B3GALNT2: variants seen among roughly 807,000 people sequenced by gnomAD.
The protein encoded by B3GALNT2 is UDP-GalNAc:beta-1,3-N-acetylgalactosaminyltransferase 2.
In B3GALNT2, 53 loss-of-function variants were observed where a neutral mutation model predicts 61.1. That is an observed-to-expected ratio of 0.87 (90% CI 0.70 to 1.09). B3GALNT2 has a LOEUF of 1.09. B3GALNT2 is among the 50% of genes least tolerant of loss of function. The probability of loss-of-function intolerance (pLI) is 0.00; values close to 1 mark genes in which losing one functional copy is unlikely to be tolerated. For synonymous variants in B3GALNT2, 223 were observed against 237.4 expected (o/e 0.94, Z 0.56); for missense variants, 544 against 623.0 (o/e 0.87, Z 1.35).
chr1:235,478,261 C>T (rs1684383544), intron 5 of B3GALNT2, among the ~76,000 whole-genome samples: 1 of 152,158 alleles, frequency 6.6e-6, no homozygotes, highest in African/African-American at 2.4e-5. Flanking sequence ...CCATCTTGGC[C>T]AGGCTGGTCT....
chr1:235,468,529 T>A (rs1217301513), intron 6 of B3GALNT2, among the ~76,000 whole-genome samples: 1 of 145,398 alleles, frequency 6.9e-6, no homozygotes, highest in African/African-American at 2.5e-5. Context: ...CTTGGCTCAC[T>A]GCAACCTCCA....
Position 235,448,250 on chromosome 1 carries a change from A to G in B3GALNT2, c.*1956T>C. ...AAAAAAAAAAAAAAAAGACAGATAC[A>G]GCTATCATTGCAATGATACTGTGGT... On this transcript the variant is annotated 3_prime_UTR_variant, in exon 12 of 12. Transcript: ENST00000366600. 2.3e-6 allele frequency: 2 copies of G among 877,516 alleles called. No individual in the cohort carries two copies. Among genetic ancestry groups the G allele is most frequent in the Middle Eastern group, 4.3e-4 (2 of 4,622 alleles). 54.4% of individuals were successfully genotyped at this position (877,516 alleles called of 1,614,324 possible).
intron 5 of B3GALNT2, among the ~76,000 whole-genome samples, chr1:235,473,430 A>G (rs1042104482): frequency 6.6e-6 from 1 of 152,232 alleles, no homozygotes; most frequent in African/African-American, 2.4e-5. Context: ...GTACCTGGAC[A>G]TGAGAGTGAC....
At chr1:235,480,224 C>T in intron 4 of B3GALNT2, 75 bp from the exon 5 acceptor site, 1 of 1,556,514 alleles carries the variant, frequency 6.4e-7, no homozygotes, top group Non-Finnish European at 8.7e-7. Flanking sequence ...TTTCAAACAC[C>T]TTACTTCTTG....
At chr1:235,462,884 C>G (rs1292057928) in intron 7 of B3GALNT2, among the ~76,000 whole-genome samples, 1 of 152,152 alleles carries the variant, frequency 6.6e-6, no homozygotes, top group East Asian at 1.9e-4. Context: ...ATCCAGCGAT[C>G]CCATTAGGAA....
chr1:235,494,332 T>C (rs143860060), intron 2 of B3GALNT2, among the ~76,000 whole-genome samples: 33 of 152,200 alleles, frequency 2.2e-4, no homozygotes, highest in African/African-American at 7.5e-4. Context: ...TGGCTTAAAA[T>C]GTTGGTTAAA....
At chr1:235,481,319 C>G (rs1684555956) in intron 4 of B3GALNT2, among the ~76,000 whole-genome samples, 1 of 152,154 alleles carries the variant, frequency 6.6e-6, no homozygotes, top group Non-Finnish European at 1.5e-5. Context: ...AACCAAACTA[C>G]TTGATTGATA....
chr1:235,489,282 T>C lies in B3GALNT2; in HGVS notation c.261-14A>G. 1.2e-6 allele frequency: 2 copies of C among 1,612,432 alleles called. No homozygotes were observed. Among genetic ancestry groups the C allele is most frequent in the Non-Finnish European group, 1.7e-6 (2 of 1,179,374 alleles). Reference sequence around the variant, plus strand: ...TTCACAAGCACACTGAGAGATGTGTTGGCATTAACATCAGTTACTGATCTT... The same window carrying C: ...TTCACAAGCACACTGAGAGATGTGTCGGCATTAACATCAGTTACTGATCTT... On this transcript the variant is annotated splice_polypyrimidine_tract_variant and intron_variant, in intron 2 of 11. Transcript: ENST00000366600.
chr1:235,476,602 C>T (rs191947776), intron 5 of B3GALNT2, among the ~76,000 whole-genome samples: 70 of 152,236 alleles, frequency 4.6e-4, no homozygotes, highest in Non-Finnish European at 7.2e-4. Context: ...GTAATCTCAG[C>T]ACTTTGGGAG....
At chr1:235,447,174 A>C (rs1268283726), downstream of B3GALNT2, among the ~76,000 whole-genome samples, 1 of 152,192 alleles carries the variant, frequency 6.6e-6, no homozygotes, top group African/African-American at 2.4e-5. Context: ...TAAAATTATA[A>C]ATTCTATTAA....
At chr1:235,494,916 C>A in intron 1 of B3GALNT2, 88 bp from the exon 2 acceptor site, 1 of 1,249,918 alleles carries the variant, frequency 8.0e-7, no homozygotes. Context: ...ACAAAATAAG[C>A]TTATGTTTGT....
rs1245752826 is a variant in B3GALNT2 at position 235,447,873 on chromosome 1, C to T, written c.*2333G>A. 2.0e-5 allele frequency among the ~76,000 whole-genome samples: 3 copies of T among 151,962 alleles called. No individual in the cohort carries two copies. ...CCAAATGAACAGGTGGTACAAGACT[C>T]AGGCTTTCCCCTAATTACTTACTTG... is the stretch of plus-strand genomic sequence containing the variant. On this transcript the variant is annotated 3_prime_UTR_variant, in exon 12 of 12. Transcript: ENST00000366600.
intron 3 of B3GALNT2, among the ~76,000 whole-genome samples, chr1:235,487,075 C>T (rs1684841412): frequency 2.0e-5 from 3 of 151,494 alleles, no homozygotes; most frequent in Admixed American, 6.6e-5. Context: ...GCAGGAGAAT[C>T]GCTTGAACCT....
At chr1:235,460,983 C>T (rs887395402) in intron 7 of B3GALNT2, among the ~76,000 whole-genome samples, 3 of 152,220 alleles carry the variant, frequency 2.0e-5, no homozygotes, top group Non-Finnish European at 4.4e-5. Context: ...TGTGCAGGGA[C>T]TGTCCCCAGA....
Position 235,448,818 on chromosome 1 carries a change from G to T in B3GALNT2, c.*1388C>A. On this transcript the variant is annotated 3_prime_UTR_variant, in exon 12 of 12. Transcript: ENST00000366600. ...TGCTTATCGTGTCTGGGGTTCACCG[G>T]AAATAAATGATTCACTGGAACAATT... The T allele has an allele frequency of 8.0e-7, 1 of 1,249,644 alleles. No homozygotes were observed. 77.4% of individuals were successfully genotyped at this position (1,249,644 alleles called of 1,614,324 possible).
At chr1:235,496,265 C>T (rs768692307) in intron 1 of B3GALNT2, 27 of 432,500 alleles carry the variant, frequency 6.2e-5, no homozygotes, top group Admixed American at 3.1e-4. Flanking sequence ...GAGCCGAGAC[C>T]GCGCCATTGC....
chr1:235,440,197 C>G, the B3GALNT2 span, among the ~76,000 whole-genome samples: 2 of 152,106 alleles, frequency 1.3e-5, no homozygotes, highest in Non-Finnish European at 2.9e-5. Flanking sequence ...GTCTCGATCT[C>G]CTGACCTTGT....
At chr1:235,492,039 C>T (rs1215457095) in intron 2 of B3GALNT2, among the ~76,000 whole-genome samples, 1 of 152,184 alleles carries the variant, frequency 6.6e-6, no homozygotes, top group Non-Finnish European at 1.5e-5. Flanking sequence ...AAATGTCAAG[C>T]CCCTCCTAAC....
chr1:235,482,882 A>C (rs1326790729), intron 4 of B3GALNT2, among the ~76,000 whole-genome samples: 1 of 152,144 alleles, frequency 6.6e-6, no homozygotes, highest in Non-Finnish European at 1.5e-5. Context: ...TACTAGACAT[A>C]AAACAGAAAA....
Sources: gnomAD v4.1 joint callset for allele counts (sites outside exome capture counted in the v4.1 genomes callset) on GRCh38, gnomAD v4.1.1 for gene constraint, MANE v1.5 for transcripts, NCBI Gene and HGNC (gene_info 2026-07-23, HGNC 2026-07-21) for gene names.